SEMA6A: variants seen among roughly 807,000 people sequenced by gnomAD.
SEMA6A encodes semaphorin-6A.
SEMA6A carries 25 observed loss-of-function variants against 96.8 expected under a neutral mutation model. The observed-to-expected ratio is 0.26, with a 90% CI of 0.19 to 0.36. The LOEUF (loss-of-function observed/expected upper bound fraction) is 0.36. SEMA6A is among the 10% of genes least tolerant of loss of function. SEMA6A has a pLI of 1.00. For synonymous variants in SEMA6A, 612 were observed against 518.0 expected (o/e 1.18, Z -2.46); for missense variants, 1,363 against 1,323.1 (o/e 1.03, Z -0.47).
At chr5:116,541,909 A>G (rs1012607152) in intron 1 of SEMA6A, among the ~76,000 whole-genome samples, 4 of 152,220 alleles carry the variant, frequency 2.6e-5, no homozygotes, top group Admixed American at 6.5e-5. Flanking sequence ...GTATCTAGGG[A>G]AGAAAAAGAA....
intron 18 of SEMA6A, among the ~76,000 whole-genome samples, chr5:116,453,930 A>T (rs545914171): frequency 5.3e-5 from 8 of 152,320 alleles, no homozygotes; most frequent in African/African-American, 1.9e-4. Context: ...TATTAAGCTA[A>T]ATACAAAGGA....
chr5:116,506,494 T>A (rs538004037), intron 1 of SEMA6A, among the ~76,000 whole-genome samples: 2 of 152,188 alleles, frequency 1.3e-5, no homozygotes, highest in Non-Finnish European at 2.9e-5. Flanking sequence ...AGTCTACTCA[T>A]TCATTTATTT....
chr5:116,455,961 T>C (rs1379983527), intron 18 of SEMA6A, among the ~76,000 whole-genome samples: 1 of 152,172 alleles, frequency 6.6e-6, no homozygotes, highest in Non-Finnish European at 1.5e-5. Context: ...CAGTTGGCAT[T>C]GTGCAGAAAA....
chr5:116,508,583 G>A lies in SEMA6A; in HGVS notation c.-38-3601C>T, dbSNP rs372031749. Among the ~76,000 whole-genome samples, 20 of 152,242 alleles carry A rather than the reference G, an allele frequency of 1.3e-4. No homozygotes were observed. In the South Asian group the frequency reaches 1.5e-3, roughly 11 times the overall value. ...AAATTCTACGGGGGCTCACAAACTC[G>A]TAGTACCTGGCAGAAGCTGACTCAG... On this transcript the variant is annotated intron_variant, in intron 1 of 18. Coordinates refer to ENST00000343348, the MANE Select transcript of SEMA6A (RefSeq NM_020796.5).
At chr5:116,467,949 G>T in intron 17 of SEMA6A, 1 of 576,834 alleles carries the variant, frequency 1.7e-6, no homozygotes, top group Non-Finnish European at 3.1e-6. Context: ...CATTGAACTT[G>T]TAGTTAGAAA....
At position 116,446,817 on chromosome 5, in the gene SEMA6A, C is replaced by A. The variant is rs1046354; in HGVS notation, c.2889G>T (p.Pro963=). Residue 963 remains proline, a synonymous_variant, in exon 19 of 19, where the codon CCG becomes CCT. Coordinates refer to ENST00000343348, the MANE Select transcript of SEMA6A (RefSeq NM_020796.5). ...GCACCTGGATGGAGTCCACCCTCTG[C>A]GGGGCGGGCGGCGGGTTGTCTCCCC... The part of the protein sequence containing the change: ...FGRGDNPPPA[P]QRVDSIQVHS... 6 of 1,613,596 alleles carry A rather than the reference C, an allele frequency of 3.7e-6. No homozygotes were observed. Among genetic ancestry groups the A allele is most frequent in the Non-Finnish European group, 5.1e-6 (6 of 1,179,716 alleles).
At chr5:116,448,373 C>A (rs1377850500) in intron 18 of SEMA6A, among the ~76,000 whole-genome samples, 3 of 151,960 alleles carry the variant, frequency 2.0e-5, no homozygotes, top group Non-Finnish European at 4.4e-5. Flanking sequence ...AAGTGCTGTT[C>A]ACTCTTTCCA....
At chr5:116,539,009 G>C (rs923269549) in intron 1 of SEMA6A, among the ~76,000 whole-genome samples, 25 of 152,122 alleles carry the variant, frequency 1.6e-4, no homozygotes, top group African/African-American at 6.0e-4. Context: ...TAGCAACTAA[G>C]AAAATATTTT....
At chr5:116,560,893 C>T (rs1760796345) in intron 1 of SEMA6A, among the ~76,000 whole-genome samples, 1 of 152,086 alleles carries the variant, frequency 6.6e-6, no homozygotes. Flanking sequence ...CAGACGAAAT[C>T]CTCAAAAAGC....
intron 1 of SEMA6A, among the ~76,000 whole-genome samples, chr5:116,554,099 A>C (rs1760517922): frequency 6.6e-6 from 1 of 152,194 alleles, no homozygotes; most frequent in African/African-American, 2.4e-5. Context: ...AAACAGTAAT[A>C]AACAGTAACA....
In SEMA6A at chr5:116,458,665, A is replaced by G. The variant is rs1755170560; in HGVS notation, c.1894+8918T>C. Among the ~76,000 whole-genome samples, 3 of 152,158 alleles carry G rather than the reference A, an allele frequency of 2.0e-5. No individual in the cohort carries two copies. The South Asian group carries it at 6.2e-4, about 32-fold the overall frequency. ...TGGTATCCCTAGAAAAGAAAACTCA[A>G]ATACGGGTGTGCAAATTCAGGCAGG... On this transcript the variant is annotated intron_variant, in intron 18 of 18. Coordinates refer to ENST00000343348, the MANE Select transcript of SEMA6A (RefSeq NM_020796.5).
In SEMA6A at chr5:116,478,022, C is replaced by T. The variant is rs1756550042; in HGVS notation, c.1560G>A (p.Lys520=). 1.2e-6 allele frequency: 2 copies of T among 1,613,988 alleles called. No individual in the cohort carries two copies. Among genetic ancestry groups the T allele is most frequent in the African/African-American group, 1.3e-5 (1 of 75,044 alleles). Reference sequence around the variant, plus strand: ...TGAGGCAAAATACATACTTTTTACACTTCCCATGTCGTTCACACCGGCCAA... The same window carrying T: ...TGAGGCAAAATACATACTTTTTACATTTCCCATGTCGTTCACACCGGCCAA... ...VPLGRCERHG[K]CKKTCIASRD... The change falls in exon 14 of 19, where the codon AAG becomes AAA. Residue 520 remains lysine (K), a synonymous_variant. Coordinates refer to ENST00000343348, the MANE Select transcript of SEMA6A (RefSeq NM_020796.5).
At chr5:116,551,604 A>G (rs907869298) in intron 1 of SEMA6A, among the ~76,000 whole-genome samples, 1 of 152,186 alleles carries the variant, frequency 6.6e-6, no homozygotes, top group Admixed American at 6.5e-5. Context: ...TCACACAGCT[A>G]GAGAGTGATG....
chr5:116,476,281 T>C (rs1365024857), intron 15 of SEMA6A, among the ~76,000 whole-genome samples: 1 of 152,232 alleles, frequency 6.6e-6, no homozygotes, highest in Non-Finnish European at 1.5e-5. Context: ...ATAAAAGCTA[T>C]TTTGATTTTT....
chr5:116,480,590 G>T (rs890714091), intron 11 of SEMA6A, among the ~76,000 whole-genome samples: 2 of 152,138 alleles, frequency 1.3e-5, no homozygotes, highest in Non-Finnish European at 2.9e-5. Flanking sequence ...AGTGTGGTTT[G>T]CACATATCTC....
chr5:116,570,669 C>G (rs932059601), intron 1 of SEMA6A, among the ~76,000 whole-genome samples: 1 of 152,152 alleles, frequency 6.6e-6, no homozygotes, highest in Admixed American at 6.5e-5. Flanking sequence ...CAATCTAGTT[C>G]TAAAAAAACT....
chr5:116,518,288 T>A (rs188711707), intron 1 of SEMA6A, among the ~76,000 whole-genome samples: 3 of 152,290 alleles, frequency 2.0e-5, no homozygotes, highest in Admixed American at 2.0e-4. Context: ...AACAACGTAA[T>A]CAATTTTAAG....
At chr5:116,488,816 C>T in intron 8 of SEMA6A, 72 bp downstream of exon 8, 1 of 1,460,684 alleles carries the variant, frequency 6.8e-7, no homozygotes, top group East Asian at 2.5e-5. Flanking sequence ...CTGGTCCCTC[C>T]AGACTCTAAA....
intron 7 of SEMA6A, among the ~76,000 whole-genome samples, chr5:116,489,243 G>C (rs780365932): frequency 6.6e-6 from 1 of 151,726 alleles, no homozygotes. Flanking sequence ...TTTTTTAAGC[G>C]GCAGCAGCAG....
Sources: allele counts gnomAD v4.1 joint callset (sites outside exome capture counted in the v4.1 genomes callset), GRCh38; gene constraint gnomAD v4.1.1; transcripts MANE v1.5; gene names NCBI Gene and HGNC (gene_info 2026-07-23, HGNC 2026-07-21).